Variants in CDH18 observed in about 807,000 individuals in gnomAD.
The protein encoded by CDH18 is cadherin 18.
CDH18 carries 31 observed loss-of-function variants against 67.9 expected under a neutral mutation model. That is an observed-to-expected ratio of 0.46 (90% CI 0.34 to 0.62). The LOEUF (loss-of-function observed/expected upper bound fraction) is 0.62. Among genes scored for constraint, CDH18 ranks in the 20% least tolerant of loss-of-function variants. The pLI, the probability that CDH18 is intolerant of heterozygous loss-of-function variation, is 0.01. For missense variants in CDH18, 890 were observed against 975.5 expected (o/e 0.91, Z 1.17); for synonymous variants, 362 against 347.2 (o/e 1.04, Z -0.48).
intron 4 of CDH18, among the ~76,000 whole-genome samples, chr5:19,731,364 T>C (rs1278352739): frequency 1.3e-5 from 2 of 152,060 alleles, no homozygotes; most frequent in Non-Finnish European, 2.9e-5. Flanking sequence ...GGCAGGAGAA[T>C]GGCATGAACC....
At chr5:19,809,759 G>A (rs930210964) in intron 3 of CDH18, among the ~76,000 whole-genome samples, 2 of 152,114 alleles carry the variant, frequency 1.3e-5, no homozygotes, top group Admixed American at 1.3e-4. Context: ...ACCATTTGTT[G>A]ACAGCAGTTA....
rs563007681 is a variant in CDH18, at chr5:19,945,795, C to G, written c.-257+35265G>C. Among the ~76,000 whole-genome samples the G allele has an allele frequency of 5.3e-5, 8 of 151,966 alleles. No individual in the cohort carries two copies. The South Asian group carries it at 1.7e-3, about 32-fold the overall frequency. On this transcript the variant is annotated intron_variant, in intron 2 of 12. Coordinates refer to ENST00000382275, the MANE Select transcript of CDH18 (RefSeq NM_004934.5). The stretch of plus-strand genomic sequence containing the variant: ...GCATAGAATCAGTGAAATTTAGAAC[C>G]AGTCAAAAAAATTTGGTCAACACAG...
chr5:19,678,784 A>G (rs1184898876), intron 5 of CDH18, among the ~76,000 whole-genome samples: 1 of 151,950 alleles, frequency 6.6e-6, no homozygotes, highest in Non-Finnish European at 1.5e-5. Flanking sequence ...ATGAATTATG[A>G]GTTCTGAAAT....
chr5:19,598,076 A>T (rs1276386332), intron 6 of CDH18, among the ~76,000 whole-genome samples: 1 of 152,110 alleles, frequency 6.6e-6, no homozygotes, highest in East Asian at 1.9e-4. Flanking sequence ...ATGCAGGAAA[A>T]TTTACTTAGG....
chr5:20,114,283 C>T (rs1040934754), intron 2 of CDH18, among the ~76,000 whole-genome samples: 3 of 152,080 alleles, frequency 2.0e-5, no homozygotes, highest in East Asian at 1.9e-4. Context: ...ACATAATAGT[C>T]GTGTGCTAGA....
At chr5:19,603,876 G>T (rs1747583213) in intron 6 of CDH18, among the ~76,000 whole-genome samples, 1 of 150,428 alleles carries the variant, frequency 6.6e-6, no homozygotes, top group Admixed American at 6.6e-5. Context: ...TAACTCATTA[G>T]AATTTTTTTT....
At chr5:20,392,703 T>G (rs943710953) in intron 1 of CDH18, among the ~76,000 whole-genome samples, 5 of 151,878 alleles carry the variant, frequency 3.3e-5, no homozygotes, top group African/African-American at 1.2e-4. Context: ...CTACCTATAT[T>G]TCTTTTTAGA....
intron 2 of CDH18, among the ~76,000 whole-genome samples, chr5:19,900,496 T>A (rs550032958): frequency 6.6e-6 from 1 of 152,298 alleles, no homozygotes; most frequent in African/African-American, 2.4e-5. Flanking sequence ...AATGTATACA[T>A]GTATCAAACG....
intron 1 of CDH18, among the ~76,000 whole-genome samples, chr5:20,311,370 A>G (rs1736973307): frequency 6.6e-6 from 1 of 152,196 alleles, no homozygotes; most frequent in African/African-American, 2.4e-5. Context: ...GGCACTATTC[A>G]CAATAGCAAA....
At chr5:20,076,072 AC>A (rs1205753508) in intron 2 of CDH18, among the ~76,000 whole-genome samples, 2 of 152,110 alleles carry the variant, frequency 1.3e-5, no homozygotes. Context: ...CTTCACTTGT[AC>A]CCCTTAAATC....
At chr5:20,561,459 G>A (rs974212010) in intron 1 of CDH18, among the ~76,000 whole-genome samples, 13 of 152,002 alleles carry the variant, frequency 8.6e-5, no homozygotes, top group Non-Finnish European at 4.4e-5. Flanking sequence ...AAAAGACATG[G>A]AGCAACCTTA....
intron 2 of CDH18, among the ~76,000 whole-genome samples, chr5:20,002,476 A>G (rs10473263): frequency 0.035 from 5,335 of 152,270 alleles, 313 homozygotes; most frequent in African/African-American, 0.12. Context: ...AAGTTGTACT[A>G]ATTACACATA....
At chr5:19,655,986 C>CTTTTT (rs963093504) in intron 5 of CDH18, among the ~76,000 whole-genome samples, 75 of 103,566 alleles carry the variant, frequency 7.2e-4, no homozygotes, top group Non-Finnish European at 7.4e-4. Context: ...CTACTCACTT[C>CTTTTT]TTTTTTTTTT....
intron 2 of CDH18, among the ~76,000 whole-genome samples, chr5:19,998,015 A>G (rs564794308): frequency 2.6e-5 from 4 of 152,328 alleles, no homozygotes; most frequent in African/African-American, 9.6e-5. Flanking sequence ...TGGAAACATG[A>G]AATGGAAAAT....
intron 11 of CDH18, among the ~76,000 whole-genome samples, chr5:19,496,002 A>G (rs1219339979): frequency 1.3e-5 from 2 of 152,190 alleles, no homozygotes; most frequent in African/African-American, 4.8e-5. Flanking sequence ...GATTTTCCCT[A>G]AAGACATTTG....
rs73762452 is a variant in CDH18, at chr5:19,948,470, A to G, written c.-257+32590T>C. ...CTTGGACAAACCTCGTGGAAACTAT[A>G]TAACATTTTAAAAATAAAATAATCA... On this transcript the variant is annotated intron_variant, in intron 2 of 12. Transcript: ENST00000382275. 6.6e-3 allele frequency among the ~76,000 whole-genome samples: 1,011 copies of G among 152,302 alleles called. 10 individuals are homozygous for G. Among genetic ancestry groups the G allele is most frequent in the African/African-American group, 0.023 (942 of 41,568 alleles).
chr5:19,567,985 T>C (rs1175757167), intron 8 of CDH18, among the ~76,000 whole-genome samples: 12 of 152,206 alleles, frequency 7.9e-5, no homozygotes, highest in South Asian at 2.1e-4. Flanking sequence ...ATGATTTGTA[T>C]ATATAGACAC....
chr5:20,475,286 A>ATTT (rs112011491), intron 1 of CDH18, among the ~76,000 whole-genome samples: 2 of 151,496 alleles, frequency 1.3e-5, no homozygotes, highest in African/African-American at 4.9e-5. Context: ...GCATTTGCTG[A>ATTT]TTTTTTTTTA....
At chr5:20,077,579 C>A (rs899029351) in intron 2 of CDH18, among the ~76,000 whole-genome samples, 4 of 152,090 alleles carry the variant, frequency 2.6e-5, no homozygotes, top group African/African-American at 9.7e-5. Context: ...AATGATAAAC[C>A]TTTTTTCCCA....
Sources: allele counts gnomAD v4.1 joint callset (sites outside exome capture counted in the v4.1 genomes callset), GRCh38; gene constraint gnomAD v4.1.1; transcripts MANE v1.5; gene names NCBI Gene and HGNC (gene_info 2026-07-23, HGNC 2026-07-21).